Variants in CIAPIN1 observed in about 807,000 individuals in gnomAD.
CIAPIN1 encodes cytokine induced apoptosis inhibitor 1.
CIAPIN1 carries 18 observed loss-of-function variants against 34.3 expected under a neutral mutation model. The ratio of observed to expected loss-of-function variants is 0.52; its 90% CI spans 0.36 to 0.78. The LOEUF (loss-of-function observed/expected upper bound fraction) is 0.78. Ranked by LOEUF, CIAPIN1 falls within the 30% of genes least tolerant of loss-of-function variation. The probability of loss-of-function intolerance (pLI) is 0.00; values close to 1 mark genes in which losing one functional copy is unlikely to be tolerated. For missense variants in CIAPIN1, 310 were observed against 372.5 expected (o/e 0.83, Z 1.38); for synonymous variants, 131 against 140.4 (o/e 0.93, Z 0.47).
At chr16:57,437,693 T>G (rs1288583206) in intron 3 of CIAPIN1, among the ~76,000 whole-genome samples, 3 of 151,862 alleles carry the variant, frequency 2.0e-5, no homozygotes, top group Non-Finnish European at 4.4e-5. Context: ...ACTGGGCTAA[T>G]TTTTGTATTT....
At chr16:57,429,427 A>C in intron 8 of CIAPIN1, 147 bp from the exon 9 acceptor site, 1 of 604,238 alleles carries the variant, frequency 1.7e-6, no homozygotes, top group South Asian at 2.0e-5. Flanking sequence ...AAATACTAAG[A>C]GTTTTCAAGA....
At chr16:57,435,329 G>A (rs573689926) in intron 4 of CIAPIN1, among the ~76,000 whole-genome samples, 2 of 152,304 alleles carry the variant, frequency 1.3e-5, no homozygotes, top group South Asian at 2.1e-4. Context: ...TGTACAGTCT[G>A]CAGAACAGTG....
chr16:57,437,550 G>A (rs890726347), intron 3 of CIAPIN1, among the ~76,000 whole-genome samples: 8 of 151,260 alleles, frequency 5.3e-5, no homozygotes, highest in Non-Finnish European at 1.2e-4. Context: ...TTGAGACAGG[G>A]TCTCACTTTG....
At chr16:57,437,766 C>T (rs1322857934) in intron 3 of CIAPIN1, among the ~76,000 whole-genome samples, 2 of 152,038 alleles carry the variant, frequency 1.3e-5, no homozygotes, top group Non-Finnish European at 2.9e-5. Context: ...ACTCAAGCAA[C>T]CTGCCTGCCC....
intron 5 of CIAPIN1, 89 bp from the exon 6 acceptor site, chr16:57,432,649 A>T: frequency 1.7e-6 from 2 of 1,197,780 alleles, no homozygotes; most frequent in South Asian, 1.3e-5. Context: ...TGCTGTGTAG[A>T]AGAGAACACA....
intron 1 of CIAPIN1, among the ~76,000 whole-genome samples, chr16:57,442,064 G>A (rs1280210551): frequency 1.3e-5 from 2 of 152,146 alleles, no homozygotes; most frequent in African/African-American, 2.4e-5. Flanking sequence ...TGTTGACTTC[G>A]GCTGGGCACA....
intron 3 of CIAPIN1, among the ~76,000 whole-genome samples, chr16:57,438,648 T>C (rs1903256887): frequency 6.6e-6 from 1 of 152,202 alleles, no homozygotes; most frequent in Non-Finnish European, 1.5e-5. Flanking sequence ...CACCACGACA[T>C]TCAGAACACA....
intron 1 of CIAPIN1, among the ~76,000 whole-genome samples, chr16:57,446,071 C>T (rs2030053537): frequency 6.6e-6 from 1 of 152,116 alleles, no homozygotes; most frequent in South Asian, 2.1e-4. Context: ...GTCTCGAACT[C>T]CTGAGCTCAA....
chr16:57,436,479 C>T (rs1385719155), intron 4 of CIAPIN1, among the ~76,000 whole-genome samples, 177 bp downstream of exon 4: 2 of 152,098 alleles, frequency 1.3e-5, no homozygotes, highest in Non-Finnish European at 2.9e-5. Context: ...CCACCCACCT[C>T]GGCCTCCCAA....
chr16:57,433,367 A>C (rs1156948306), intron 5 of CIAPIN1, among the ~76,000 whole-genome samples: 1 of 152,240 alleles, frequency 6.6e-6, no homozygotes, highest in African/African-American at 2.4e-5. Context: ...CATGAATCGA[A>C]AGGTTAGATT....
intron 1 of CIAPIN1, among the ~76,000 whole-genome samples, chr16:57,443,892 G>C (rs1474697021): frequency 6.6e-6 from 1 of 152,148 alleles, no homozygotes; most frequent in Non-Finnish European, 1.5e-5. Flanking sequence ...AGCCAGGCAA[G>C]ATGGGAGTAT....
chr16:57,433,640 T>A, intron 5 of CIAPIN1: 1 of 224,390 alleles, frequency 4.5e-6, no homozygotes, highest in Non-Finnish European at 9.0e-6. Context: ...TAAGAACAGC[T>A]GATTTTCCTG....
rs1421127342 is a variant in CIAPIN1 at position 57,430,308 on chromosome 16, CTT to C, written c.776_777del (p.Lys259ArgfsTer47). ...GAGCTCATCTGTTCCCTTGACTTCT[CTT>C]TTTCCAGTTCTTCGGCAAGGCCACA... ...CTCGLAEELE[K>X]EKSREQMSSQ... On this transcript the variant is annotated frameshift_variant, in exon 8 of 9. Coordinates refer to ENST00000394391, the MANE Select transcript of CIAPIN1 (RefSeq NM_020313.4). LOFTEE classifies it high-confidence loss of function. 1.9e-6 allele frequency: 3 copies of C among 1,614,090 alleles called. No homozygotes were observed. The highest frequency in any genetic ancestry group is 2.5e-6 in the Non-Finnish European group (3 of 1,180,038).
At chr16:57,433,934 CA>C in intron 5 of CIAPIN1, 109 bp downstream of exon 5, 1 of 1,009,130 alleles carries the variant, frequency 9.9e-7, no homozygotes, top group Admixed American at 1.9e-5. Flanking sequence ...TGGCAGAAAT[CA>C]AAGGACTAAT....
intron 4 of CIAPIN1, among the ~76,000 whole-genome samples, chr16:57,435,555 G>A (rs1370400859): frequency 6.6e-6 from 1 of 152,208 alleles, no homozygotes; most frequent in Non-Finnish European, 1.5e-5. Flanking sequence ...CACTTTGGAA[G>A]GCCAAGGTGG....
intron 3 of CIAPIN1, among the ~76,000 whole-genome samples, chr16:57,437,578 C>T (rs1477369007): frequency 7.2e-5 from 11 of 151,848 alleles, no homozygotes; most frequent in East Asian, 1.9e-4. Context: ...GGCTGGAGTG[C>T]GGTGGCATGA....
Position 57,431,270 on chromosome 16 carries a change from G to C in CIAPIN1, c.631-4C>G, listed in dbSNP as rs1479823949. On this transcript the variant is annotated splice_region_variant and splice_polypyrimidine_tract_variant and intron_variant, in intron 6 of 8. Transcript: ENST00000394391. ...GCTCATCTGAGTCAATGAGATCCTGGAGAGTGTTCAAAGCAATGAGTGATA... is the reference window on the plus strand; with the variant it reads ...GCTCATCTGAGTCAATGAGATCCTGCAGAGTGTTCAAAGCAATGAGTGATA... The C allele has an allele frequency of 1.3e-6, 2 of 1,599,312 alleles. No homozygotes were observed. The highest frequency in any genetic ancestry group is 1.3e-5 in the African/African-American group (1 of 74,614).
At chr16:57,434,292 A>G in intron 4 of CIAPIN1, 80 bp from the exon 5 acceptor site, 1 of 1,367,862 alleles carries the variant, frequency 7.3e-7, no homozygotes, top group Non-Finnish European at 1.0e-6. Flanking sequence ...CAGGAGTCAA[A>G]GACTCATTTC....
intron 8 of CIAPIN1, among the ~76,000 whole-genome samples, 192 bp from the exon 9 acceptor site, chr16:57,429,472 G>C (rs887592801): frequency 6.6e-6 from 1 of 152,116 alleles, no homozygotes; most frequent in Non-Finnish European, 1.5e-5. Flanking sequence ...GTCATGAAAA[G>C]TTCCCTAGGA....
Sources: allele counts gnomAD v4.1 joint callset (sites outside exome capture counted in the v4.1 genomes callset), GRCh38; gene constraint gnomAD v4.1.1; transcripts MANE v1.5; gene names NCBI Gene and HGNC (gene_info 2026-07-23, HGNC 2026-07-21).